Variants in PTPRT observed in about 807,000 individuals in gnomAD.
The protein encoded by PTPRT is protein tyrosine phosphatase receptor type T, also known as receptor-type tyrosine-protein phosphatase T.
PTPRT carries 56 observed loss-of-function variants against 176.8 expected under a neutral mutation model. That is an observed-to-expected ratio of 0.32 (90% confidence interval 0.26 to 0.40). The LOEUF (loss-of-function observed/expected upper bound fraction) is 0.40, where lower values mean the gene tolerates loss of function less well. PTPRT is among the 10% of genes least tolerant of loss of function. The probability of loss-of-function intolerance (pLI) is 1.00; values close to 1 mark genes in which losing one functional copy is unlikely to be tolerated. For synonymous variants in PTPRT, 783 were observed against 739.0 expected, an observed-to-expected ratio of 1.06 and a Z score of -0.96; for missense variants, 1,540 against 1,908.2, an observed-to-expected ratio of 0.81 and a Z score of 3.60.
intron 1 of PTPRT, among the ~76,000 whole-genome samples, chr20:43,066,468 C>T (rs1028881319): frequency 2.6e-5 from 4 of 152,214 alleles, no homozygotes; most frequent in African/African-American, 9.7e-5. Context: ...CTCCCTAACA[C>T]TGGTGCAGGA....
intron 1 of PTPRT, among the ~76,000 whole-genome samples, chr20:42,906,436 T>G (rs1239707390): frequency 6.6e-6 from 1 of 152,196 alleles, no homozygotes; most frequent in Non-Finnish European, 1.5e-5. Flanking sequence ...CCTTGCACTT[T>G]TTCTCCAAGC....
intron 1 of PTPRT, among the ~76,000 whole-genome samples, chr20:42,992,161 T>C (rs760962868): frequency 8.5e-5 from 13 of 152,342 alleles, no homozygotes; most frequent in East Asian, 1.9e-4. Context: ...CATAGTTCGC[T>C]ATCCCCTACT....
chr20:42,299,340 A>C (rs2057427223), intron 12 of PTPRT, among the ~76,000 whole-genome samples: 1 of 152,222 alleles, frequency 6.6e-6, no homozygotes, highest in South Asian at 2.1e-4. Context: ...ATACATAACC[A>C]TATTCTAGTG....
At chr20:42,596,470 C>T (rs1381598264) in intron 7 of PTPRT, among the ~76,000 whole-genome samples, 1 of 152,176 alleles carries the variant, frequency 6.6e-6, no homozygotes, top group East Asian at 1.9e-4. Flanking sequence ...TAAAACCCAA[C>T]AGAATGAGAA....
intron 7 of PTPRT, among the ~76,000 whole-genome samples, chr20:42,477,332 G>A (rs2071307608): frequency 6.6e-6 from 1 of 152,138 alleles, no homozygotes; most frequent in Non-Finnish European, 1.5e-5. Context: ...TGACTCCACA[G>A]TCCTTGTTCT....
At chr20:42,831,387 T>C (rs10258301) in intron 2 of PTPRT, among the ~76,000 whole-genome samples, 1 of 152,156 alleles carries the variant, frequency 6.6e-6, no homozygotes, top group Non-Finnish European at 1.5e-5. Flanking sequence ...TCAAGATGAA[T>C]TAAAGACTTA....
chr20:42,676,798 T>C (rs2075512553), intron 7 of PTPRT, among the ~76,000 whole-genome samples: 1 of 152,176 alleles, frequency 6.6e-6, no homozygotes, highest in South Asian at 2.1e-4. Flanking sequence ...AGCAAGTTAG[T>C]TTAATTTCTT....
intron 2 of PTPRT, among the ~76,000 whole-genome samples, chr20:42,872,095 A>G (rs1488421149): frequency 6.6e-6 from 1 of 152,240 alleles, no homozygotes; most frequent in Non-Finnish European, 1.5e-5. Context: ...AGGAAACACA[A>G]CACCTAGGAA....
chr20:42,582,998 T>C (rs2073403762), intron 7 of PTPRT, among the ~76,000 whole-genome samples: 1 of 152,120 alleles, frequency 6.6e-6, no homozygotes. Context: ...AGACAAAAAA[T>C]CCACCTCACT....
chr20:42,893,653 C>T (rs966797594), intron 1 of PTPRT, among the ~76,000 whole-genome samples: 28 of 151,926 alleles, frequency 1.8e-4, no homozygotes, highest in African/African-American at 6.5e-4. Context: ...AAATGTGGCA[C>T]ATATACACCA....
intron 8 of PTPRT, among the ~76,000 whole-genome samples, chr20:42,470,950 C>A (rs2145283329): frequency 6.6e-6 from 1 of 151,998 alleles, no homozygotes; most frequent in Middle Eastern, 3.4e-3. Context: ...GGGAGGGAGA[C>A]ATGGAGGCTC....
intron 26 of PTPRT, among the ~76,000 whole-genome samples, chr20:42,101,738 G>A (rs1203185465): frequency 1.3e-5 from 2 of 152,210 alleles, no homozygotes; most frequent in Non-Finnish European, 2.9e-5. Flanking sequence ...ACCTGTGTCT[G>A]CACCGTCTTG....
rs1982943538 is a variant in PTPRT at position 42,077,973 on chromosome 20, C to G, written c.*2906G>C. The stretch of plus-strand genomic sequence containing the variant: ...TGTGTTAAATAGCTCTCCCTCCACC[C>G]TCATCCTGTCTGGATGTACCAAGAT... On this transcript the variant is annotated 3_prime_UTR_variant, in exon 31 of 31. Transcript: ENST00000373187. The G allele has an allele frequency of 5.1e-6, 1 of 195,246 alleles. No homozygotes were observed. Among genetic ancestry groups the G allele is most frequent in the Admixed American group, 6.1e-5 (1 of 16,386 alleles). The allele number at this position is 195,246 out of a possible 1,614,324, so 12.1% of individuals were successfully genotyped here. A position where few individuals can be genotyped will look rare whatever the true frequency, so the allele number is the denominator to read the frequency against.
At chr20:42,099,907 C>T (rs1332276691) in intron 26 of PTPRT, among the ~76,000 whole-genome samples, 1 of 152,110 alleles carries the variant, frequency 6.6e-6, no homozygotes, top group Non-Finnish European at 1.5e-5. Context: ...ATTTATTTTC[C>T]AAAAGCCAAA....
intron 13 of PTPRT, among the ~76,000 whole-genome samples, chr20:42,254,476 T>A (rs1270464031): frequency 6.6e-6 from 1 of 152,192 alleles, no homozygotes; most frequent in Non-Finnish European, 1.5e-5. Flanking sequence ...GGTACATCAC[T>A]CTGAATCAGG....
At chr20:42,936,642 C>T (rs557343697) in intron 1 of PTPRT, among the ~76,000 whole-genome samples, 95 of 152,220 alleles carry the variant, frequency 6.2e-4, no homozygotes, top group African/African-American at 2.0e-3. Flanking sequence ...ACTGAGGAGG[C>T]TGCAGGTCTA....
chr20:42,414,555 T>C (rs1041483242), intron 9 of PTPRT, among the ~76,000 whole-genome samples: 4 of 152,166 alleles, frequency 2.6e-5, no homozygotes, highest in Admixed American at 6.5e-5. Context: ...GAGCTGGTTA[T>C]AAAATTAACA....
intron 1 of PTPRT, among the ~76,000 whole-genome samples, chr20:43,066,423 A>G (rs541683827): frequency 6.6e-6 from 1 of 152,308 alleles, no homozygotes; most frequent in South Asian, 2.1e-4. Context: ...ACCCAAGAAC[A>G]TTGCAGAGGC....
At chr20:42,479,754 A>C (rs2071353335) in intron 7 of PTPRT, among the ~76,000 whole-genome samples, 1 of 152,236 alleles carries the variant, frequency 6.6e-6, no homozygotes, top group South Asian at 2.1e-4. Context: ...AATATTTCAA[A>C]TTTCAGATTT....
Sources: allele counts gnomAD v4.1 joint callset (sites outside exome capture counted in the v4.1 genomes callset), GRCh38; gene constraint gnomAD v4.1.1; transcripts MANE v1.5; gene names NCBI Gene and HGNC (gene_info 2026-07-23, HGNC 2026-07-21).